Variants in ANKS1B observed in about 807,000 individuals in gnomAD.
ANKS1B encodes ankyrin repeat and sterile alpha motif domain-containing protein 1B.
In ANKS1B, 36 loss-of-function variants were observed where a neutral mutation model predicts 148.3. That is an observed-to-expected ratio of 0.24 (90% CI 0.19 to 0.32). ANKS1B has a LOEUF of 0.32. Ranked by LOEUF, ANKS1B falls within the 10% of genes least tolerant of loss-of-function variation. The pLI is 1.00. For synonymous variants in ANKS1B, 542 were observed against 560.8 expected (o/e 0.97, Z 0.47); for missense variants, 1,157 against 1,542.6 (o/e 0.75, Z 4.19).
intron 17 of ANKS1B, among the ~76,000 whole-genome samples, chr12:98,983,024 C>T (rs537738830): frequency 6.6e-6 from 1 of 152,312 alleles, no homozygotes; most frequent in Non-Finnish European, 1.5e-5. Flanking sequence ...CTGGTTGTTC[C>T]TCATCTGTAT....
Position 99,516,633 on chromosome 12 carries a change from T to TGTGG in ANKS1B, c.1273-11996_1273-11993dup, listed in dbSNP as rs141314424. Among the ~76,000 whole-genome samples, 1,196 of 152,190 alleles carry TGTGG rather than the reference T, an allele frequency of 7.9e-3. 11 individuals are homozygous for TGTGG. The highest frequency in any genetic ancestry group is 0.027 in the African/African-American group (1,114 of 41,508). On this transcript the variant is annotated intron_variant, in intron 9 of 26. Coordinates refer to ENST00000683438, the MANE Select transcript of ANKS1B (RefSeq NM_001352186.2). Reference sequence around the variant, plus strand: ...AGCAACAGGATAAATAGCTAATGCATGTGGGGCTTAACACCTAGGTGATGG... The same window carrying TGTGG: ...AGCAACAGGATAAATAGCTAATGCATGTGGGTGGGGCTTAACACCTAGGTGATGG...
intron 12 of ANKS1B, among the ~76,000 whole-genome samples, chr12:99,301,165 T>A (rs562841281): frequency 6.6e-6 from 1 of 152,294 alleles, no homozygotes; most frequent in South Asian, 2.1e-4. Context: ...TTCCTTCACC[T>A]TTTCATTCTA....
chr12:98,914,921 C>T (rs2099792125), intron 17 of ANKS1B, among the ~76,000 whole-genome samples: 1 of 152,280 alleles, frequency 6.6e-6, no homozygotes, highest in South Asian at 2.1e-4. Flanking sequence ...CCTCTAATAT[C>T]CTATATATTT....
chr12:98,760,607 T>C (rs950375645), intron 25 of ANKS1B, among the ~76,000 whole-genome samples: 3 of 152,236 alleles, frequency 2.0e-5, no homozygotes, highest in Non-Finnish European at 2.9e-5. Flanking sequence ...CTCACCTCTA[T>C]GTGCCAGGAA....
At chr12:99,055,165 T>C (rs1316831740) in intron 16 of ANKS1B, among the ~76,000 whole-genome samples, 4 of 152,152 alleles carry the variant, frequency 2.6e-5, no homozygotes, top group Non-Finnish European at 5.9e-5. Flanking sequence ...ATTACAAAAA[T>C]ATTGGGGCTG....
intron 4 of ANKS1B, among the ~76,000 whole-genome samples, chr12:99,801,974 T>C (rs575446106): frequency 1.3e-5 from 2 of 152,178 alleles, no homozygotes; most frequent in South Asian, 2.1e-4. Flanking sequence ...AGAGGGATGA[T>C]AGAGAAGGAG....
chr12:99,372,342 A>G (rs1459170023), intron 12 of ANKS1B, among the ~76,000 whole-genome samples: 2 of 152,070 alleles, frequency 1.3e-5, no homozygotes, highest in African/African-American at 4.8e-5. Flanking sequence ...TAAAACATGG[A>G]TTACATAGAA....
chr12:99,700,713 C>T (rs556192757), intron 8 of ANKS1B, among the ~76,000 whole-genome samples: 3 of 152,064 alleles, frequency 2.0e-5, no homozygotes, highest in Non-Finnish European at 2.9e-5. Context: ...ACTGAAACCA[C>T]GAAAGTGAAA....
chr12:99,549,591 T>C (rs1297140050), intron 9 of ANKS1B, among the ~76,000 whole-genome samples: 1 of 152,224 alleles, frequency 6.6e-6, no homozygotes, highest in Admixed American at 6.5e-5. Flanking sequence ...ATGCTTTACA[T>C]GGAATGCTTG....
intron 3 of ANKS1B, among the ~76,000 whole-genome samples, chr12:99,809,988 G>A (rs1214133915): frequency 6.6e-6 from 1 of 151,912 alleles, no homozygotes; most frequent in Non-Finnish European, 1.5e-5. Flanking sequence ...AGTAATCTAG[G>A]GCTTAGTAAG....
At chr12:99,157,860 T>C (rs1447614765) in intron 14 of ANKS1B, among the ~76,000 whole-genome samples, 5 of 152,184 alleles carry the variant, frequency 3.3e-5, no homozygotes, top group African/African-American at 9.7e-5. Flanking sequence ...GTGGGGATTA[T>C]TTCAAGGTTC....
chr12:99,920,406 A>C (rs557805099), intron 1 of ANKS1B, among the ~76,000 whole-genome samples: 1 of 152,264 alleles, frequency 6.6e-6, no homozygotes, highest in East Asian at 1.9e-4. Flanking sequence ...AGAAAAAATA[A>C]AATTTTAAAC....
At chr12:98,849,713 A>C (rs991591203) in intron 17 of ANKS1B, among the ~76,000 whole-genome samples, 6 of 152,176 alleles carry the variant, frequency 3.9e-5, no homozygotes, top group African/African-American at 1.4e-4. Flanking sequence ...TATTTGCAAA[A>C]TCTCTAGTCA....
intron 1 of ANKS1B, among the ~76,000 whole-genome samples, chr12:99,962,399 T>C (rs1037270844): frequency 3.3e-5 from 5 of 152,238 alleles, no homozygotes; most frequent in African/African-American, 1.2e-4. Context: ...ATTTTATGGC[T>C]GTATAGTATT....
chr12:98,744,599 G>A lies in ANKS1B; in HGVS notation c.*1140C>T, dbSNP rs2097842852. The A allele has an allele frequency of 1.4e-6, 1 of 725,266 alleles. No individual in the cohort carries two copies. The highest frequency in any genetic ancestry group is 6.3e-5 in the Admixed American group (1 of 15,756). The allele number at this position is 725,266 out of a possible 1,614,324, so 44.9% of individuals were successfully genotyped here. A position where few individuals can be genotyped will look rare whatever the true frequency, so the allele number is the denominator to read the frequency against. On this transcript the variant is annotated 3_prime_UTR_variant, in exon 27 of 27. Transcript: ENST00000683438. ...ATTAAAATACCTTAAAGAAATGTAA[G>A]TAAATTTTATTTAATCAAATAGTAA...
Position 98,803,758 on chromosome 12 carries a change from C to T in ANKS1B, c.3142-2633G>A, listed in dbSNP as rs540642590. On this transcript the variant is annotated intron_variant, in intron 20 of 26. Transcript: ENST00000683438. The stretch of plus-strand genomic sequence containing the variant: ...AAGCTAGGGTTATGAAAACATTTCA[C>T]GTGTTAGTACATTAAGCATGCAAAT... Among the ~76,000 whole-genome samples, 6 of 152,306 alleles carry T rather than the reference C, an allele frequency of 3.9e-5. No individual in the cohort carries two copies. The East Asian group carries it at 1.2e-3, about 29-fold the overall frequency.
chr12:98,880,532 C>T (rs941478700), intron 17 of ANKS1B, among the ~76,000 whole-genome samples: 8 of 151,936 alleles, frequency 5.3e-5, no homozygotes, highest in Admixed American at 3.9e-4. Context: ...TTTGGGAGGC[C>T]GAGGCGGGTG....
chr12:99,309,093 TTC>T (rs2082773633), intron 12 of ANKS1B, among the ~76,000 whole-genome samples: 1 of 151,754 alleles, frequency 6.6e-6, no homozygotes, highest in Non-Finnish European at 1.5e-5. Flanking sequence ...CTTTTAGGTT[TTC>T]TATGGTTGCA....
chr12:99,531,086 T>C (rs1040069971), intron 9 of ANKS1B, among the ~76,000 whole-genome samples: 4 of 152,190 alleles, frequency 2.6e-5, no homozygotes, highest in Non-Finnish European at 4.4e-5. Flanking sequence ...TAGGCAATCA[T>C]AAATTCTACT....
Sources: gnomAD v4.1 joint callset for allele counts (sites outside exome capture counted in the v4.1 genomes callset) on GRCh38, gnomAD v4.1.1 for gene constraint, MANE v1.5 for transcripts, NCBI Gene and HGNC (gene_info 2026-07-23, HGNC 2026-07-21) for gene names.